The following MAP2 variants were observed in gnomAD, a reference collection of about 807,000 sequenced individuals.
The protein encoded by MAP2 is microtubule-associated protein 2.
Under a neutral mutation model 137.6 loss-of-function variants are expected in MAP2, and 14 were observed. That is an observed-to-expected ratio of 0.10 (90% CI 0.07 to 0.16). The LOEUF (loss-of-function observed/expected upper bound fraction) is 0.16. MAP2 is among the 10% of genes least tolerant of loss of function. MAP2 has a pLI of 1.00. For synonymous variants in MAP2, 786 were observed against 782.3 expected, an observed-to-expected ratio of 1.00 and a Z score of -0.08; for missense variants, 2,088 against 2,191.5, an observed-to-expected ratio of 0.95 and a Z score of 0.94.
intron 2 of MAP2, among the ~76,000 whole-genome samples, chr2:209,546,354 A>T (rs930654890): frequency 6.6e-6 from 1 of 152,248 alleles, no homozygotes; most frequent in African/African-American, 2.4e-5. Context: ...ATGTTTGTGC[A>T]TCTTAATGCT....
chr2:209,512,005 A>G (rs1238569382), intron 2 of MAP2, among the ~76,000 whole-genome samples: 1 of 151,972 alleles, frequency 6.6e-6, no homozygotes, highest in Non-Finnish European at 1.5e-5. Context: ...CCTAATTCTA[A>G]TCTTTTCCTC....
chr2:209,556,546 C>G (rs1371280285), intron 2 of MAP2, among the ~76,000 whole-genome samples: 1 of 152,044 alleles, frequency 6.6e-6, no homozygotes. Context: ...TGCTACAACT[C>G]TGCCCTCTAC....
At chr2:209,577,933 C>CA (rs1194799978) in intron 2 of MAP2, among the ~76,000 whole-genome samples, 1 of 152,116 alleles carries the variant, frequency 6.6e-6, no homozygotes, top group Non-Finnish European at 1.5e-5. Context: ...CAGATATTTG[C>CA]AAAAGTCTTC....
At chr2:209,727,448 A>G (rs886892916) in intron 14 of MAP2, among the ~76,000 whole-genome samples, 10 of 152,250 alleles carry the variant, frequency 6.6e-5, no homozygotes, top group African/African-American at 2.4e-4. Flanking sequence ...GAAAAATTTT[A>G]TATAGATAAG....
At chr2:209,577,956 A>G (rs2075610869) in intron 2 of MAP2, among the ~76,000 whole-genome samples, 1 of 152,238 alleles carries the variant, frequency 6.6e-6, no homozygotes, top group Non-Finnish European at 1.5e-5. Flanking sequence ...AATGATTGCA[A>G]TGCATTTTAA....
At chr2:209,525,062 T>A (rs1475275313) in intron 2 of MAP2, among the ~76,000 whole-genome samples, 3 of 152,154 alleles carry the variant, frequency 2.0e-5, no homozygotes. Flanking sequence ...GCCGTATTAT[T>A]TTTAATATAC....
intron 2 of MAP2, among the ~76,000 whole-genome samples, chr2:209,543,254 C>G (rs568265858): frequency 6.6e-6 from 1 of 152,174 alleles, no homozygotes; most frequent in Admixed American, 6.5e-5. Context: ...CCATTAAGTT[C>G]GTTGTCTGAT....
intron 1 of MAP2, among the ~76,000 whole-genome samples, chr2:209,429,731 A>G (rs889942116): frequency 3.9e-5 from 6 of 152,124 alleles, no homozygotes; most frequent in African/African-American, 1.4e-4. Flanking sequence ...CAAAACCATC[A>G]TTTCAATATG....
chr2:209,533,621 A>T (rs7568260), intron 2 of MAP2, among the ~76,000 whole-genome samples: 23,354 of 152,196 alleles, frequency 0.15, 2,407 homozygotes, highest in African/African-American at 0.29. Flanking sequence ...TTTCTAAGAC[A>T]TGAGGATTTA....
chr2:209,680,743 T>A lies in MAP2; in HGVS notation c.377-7T>A, dbSNP rs375348538. On this transcript the variant is annotated splice_region_variant and splice_polypyrimidine_tract_variant and intron_variant, in intron 6 of 15. Coordinates refer to ENST00000682079, the MANE Select transcript of MAP2 (RefSeq NM_001375505.1). ...TGCATCTCATTTTTCTATTGTTTGA[T>A]CTTTAGCAGCTGAAGAAACAGCTAA... The A allele has an allele frequency of 8.4e-5, 135 of 1,612,354 alleles. 1 individual carries two copies. The African/African-American group carries it at 1.7e-3, about 21-fold the overall frequency.
At chr2:209,506,101 G>A (rs2061020783) in intron 1 of MAP2, among the ~76,000 whole-genome samples, 1 of 152,036 alleles carries the variant, frequency 6.6e-6, no homozygotes, top group Admixed American at 6.6e-5. Context: ...TTGTATCCAA[G>A]TAAAATAATG....
chr2:209,526,395 G>A (rs1018809272), intron 2 of MAP2, among the ~76,000 whole-genome samples: 8 of 151,752 alleles, frequency 5.3e-5, no homozygotes, highest in African/African-American at 1.9e-4. Context: ...CCAATTTAAA[G>A]AATATAAAAT....
chr2:209,578,297 T>C (rs2075663673), intron 2 of MAP2, among the ~76,000 whole-genome samples: 1 of 152,130 alleles, frequency 6.6e-6, no homozygotes, highest in South Asian at 2.1e-4. Context: ...AGTTTGAATA[T>C]TTATGAAAGC....
chr2:209,513,436 T>C (rs2062012800), intron 2 of MAP2, among the ~76,000 whole-genome samples: 1 of 152,108 alleles, frequency 6.6e-6, no homozygotes, highest in South Asian at 2.1e-4. Flanking sequence ...AATGGACACT[T>C]AGGAAATGCT....
At chr2:209,550,473 A>G (rs559858747) in intron 2 of MAP2, among the ~76,000 whole-genome samples, 40 of 152,260 alleles carry the variant, frequency 2.6e-4, no homozygotes, top group African/African-American at 9.1e-4. Context: ...ACTTTATTGC[A>G]TATTCTTTCA....
At chr2:209,515,175 T>C (rs932888739) in intron 2 of MAP2, among the ~76,000 whole-genome samples, 2 of 152,100 alleles carry the variant, frequency 1.3e-5, no homozygotes, top group African/African-American at 4.8e-5. Flanking sequence ...TAGTGAAGAG[T>C]TGAGTAAAGA....
chr2:209,723,786 T>C, intron 13 of MAP2: 1 of 776,422 alleles, frequency 1.3e-6, no homozygotes, highest in Non-Finnish European at 2.2e-6. Context: ...AACACACTGC[T>C]CCTTTCTCAC....
At chr2:209,425,777 A>AT (rs889706278) in intron 1 of MAP2, among the ~76,000 whole-genome samples, 61 of 152,114 alleles carry the variant, frequency 4.0e-4, no homozygotes, top group Non-Finnish European at 5.7e-4. Context: ...GACAATTATG[A>AT]TTTTTTTTGG....
In MAP2 at chr2:209,601,467, T is replaced by C. The variant is rs191587994; in HGVS notation, c.-107+21367T>C. ...AGAAAAATACTGTGTTTTAAAGATATTGAATAGTCTTTGACATGGAAAACA... is the reference window on the plus strand; with the variant it reads ...AGAAAAATACTGTGTTTTAAAGATACTGAATAGTCTTTGACATGGAAAACA... On this transcript the variant is annotated intron_variant, in intron 3 of 15. Transcript: ENST00000682079. 1.2e-3 allele frequency among the ~76,000 whole-genome samples: 181 copies of C among 152,286 alleles called. 1 individual carries two copies. Among genetic ancestry groups the C allele is most frequent in the Admixed American group, 9.4e-3 (143 of 15,292 alleles).
Sources: allele counts gnomAD v4.1 joint callset (sites outside exome capture counted in the v4.1 genomes callset), GRCh38; gene constraint gnomAD v4.1.1; transcripts MANE v1.5; gene names NCBI Gene and HGNC (gene_info 2026-07-23, HGNC 2026-07-21).